The following NEDD4L variants were observed in gnomAD, a reference collection of about 807,000 sequenced individuals.
NEDD4L encodes the protein NEDD4 like E3 ubiquitin protein ligase, also known as E3 ubiquitin-protein ligase NEDD4-like.
NEDD4L carries 54 observed loss-of-function variants against 148.9 expected under a neutral mutation model. The observed-to-expected ratio is 0.36, with a 90% confidence interval of 0.29 to 0.45. The LOEUF (loss-of-function observed/expected upper bound fraction) is 0.45. Among genes scored for constraint, NEDD4L ranks in the 20% least tolerant of loss-of-function variants. The pLI is 1.00. For synonymous variants in NEDD4L, 433 were observed against 440.7 expected (o/e 0.98, Z 0.22); for missense variants, 856 against 1,233.8 (o/e 0.69, Z 4.59).
At chr18:58,150,522 G>A (rs535154221) in intron 1 of NEDD4L, among the ~76,000 whole-genome samples, 5 of 152,296 alleles carry the variant, frequency 3.3e-5, no homozygotes, top group Admixed American at 2.0e-4. Context: ...CACTGCACCC[G>A]GCCGTTTTTT....
chr18:58,114,873 A>G (rs1310725330), intron 1 of NEDD4L, among the ~76,000 whole-genome samples: 1 of 152,204 alleles, frequency 6.6e-6, no homozygotes, highest in East Asian at 1.9e-4. Flanking sequence ...CCACATGGTC[A>G]CATCTCCTCC....
intron 1 of NEDD4L, among the ~76,000 whole-genome samples, chr18:58,113,943 T>G (rs1027308154): frequency 2.6e-5 from 4 of 152,124 alleles, no homozygotes; most frequent in African/African-American, 9.7e-5. Context: ...GCTAGGGACA[T>G]GGGGCCTCAG....
At chr18:58,365,286 G>A (rs1272095664) in intron 20 of NEDD4L, among the ~76,000 whole-genome samples, 2 of 152,164 alleles carry the variant, frequency 1.3e-5, no homozygotes. Flanking sequence ...CATGTCCCCT[G>A]GTAATGATGA....
chr18:58,323,644 T>C (rs2059043294), intron 8 of NEDD4L, among the ~76,000 whole-genome samples: 4 of 152,230 alleles, frequency 2.6e-5, no homozygotes, highest in Admixed American at 2.6e-4. Flanking sequence ...TGCTATGGAC[T>C]TGCAACTCTT....
chr18:58,189,606 T>C (rs2039874439), intron 2 of NEDD4L, among the ~76,000 whole-genome samples: 4 of 152,144 alleles, frequency 2.6e-5, no homozygotes, highest in Admixed American at 2.6e-4. Context: ...AATTCAGGTG[T>C]GTTGAAGTGG....
intron 2 of NEDD4L, among the ~76,000 whole-genome samples, chr18:58,203,436 A>G (rs73450452): frequency 0.031 from 4,693 of 152,256 alleles, 176 homozygotes; most frequent in East Asian, 0.14. Flanking sequence ...AATCTCTTAC[A>G]TTTCAGTTTT....
intron 24 of NEDD4L, among the ~76,000 whole-genome samples, chr18:58,381,923 G>T (rs1170968329): frequency 6.6e-6 from 1 of 152,150 alleles, no homozygotes; most frequent in East Asian, 1.9e-4. Context: ...AAAATGGGAT[G>T]CACTGGGAAG....
intron 2 of NEDD4L, among the ~76,000 whole-genome samples, chr18:58,214,992 A>G (rs894832462): frequency 1.3e-5 from 2 of 151,760 alleles, no homozygotes; most frequent in Non-Finnish European, 2.9e-5. Context: ...TTGTATTTTT[A>G]GTAGAGACAG....
chr18:58,338,370 C>T (rs1171829491), intron 13 of NEDD4L, among the ~76,000 whole-genome samples: 6 of 152,190 alleles, frequency 3.9e-5, no homozygotes, highest in Non-Finnish European at 7.3e-5. Context: ...CCTCAACTAG[C>T]CGTGCAGGGT....
chr18:58,323,338 C>T lies in NEDD4L; in HGVS notation c.513+4C>T, dbSNP rs775697269. Reference sequence around the variant, plus strand: ...TGACCAGAGGGATGACATGGAGGTACGTGGAGGGCGTCAGGCCTCTCTCCT... The same window carrying T: ...TGACCAGAGGGATGACATGGAGGTATGTGGAGGGCGTCAGGCCTCTCTCCT... On this transcript the variant is annotated splice_donor_region_variant and intron_variant, in intron 8 of 30. Coordinates refer to ENST00000400345, the MANE Select transcript of NEDD4L (RefSeq NM_001144967.3). The T allele has an allele frequency of 4.0e-6, 6 of 1,499,672 alleles. No homozygotes were observed. The highest frequency in any genetic ancestry group is 1.8e-5 in the Admixed American group (1 of 55,430). 92.9% of individuals were successfully genotyped at this position (1,499,672 alleles called of 1,614,324 possible). A position where few individuals can be genotyped will look rare whatever the true frequency, so the allele number is the denominator to read the frequency against.
At chr18:58,068,206 T>C (rs1336725681) in intron 1 of NEDD4L, among the ~76,000 whole-genome samples, 2 of 96,772 alleles carry the variant, frequency 2.1e-5, no homozygotes, top group Non-Finnish European at 3.5e-5. Context: ...TTTTTTTTTT[T>C]TGTTTTGTTT....
chr18:58,121,561 C>T (rs2029901247), intron 1 of NEDD4L, among the ~76,000 whole-genome samples: 1 of 152,096 alleles, frequency 6.6e-6, no homozygotes, highest in Middle Eastern at 3.2e-3. Flanking sequence ...AGTTCCACTA[C>T]AGCTGGCTAA....
rs74183230 is a variant in NEDD4L at position 58,056,894 on chromosome 18, C to CTTTTTTTT, written c.48+12195_48+12202dup. ...CCATGCCCAGCCAGAGCTATGCCCT[C>CTTTTTTTT]TTTTTTTTTTTTTTTTGTTTGTTTG... On this transcript the variant is annotated intron_variant, in intron 1 of 30. Transcript: ENST00000400345. 3.3e-3 allele frequency among the ~76,000 whole-genome samples: 396 copies of CTTTTTTTT among 121,426 alleles called. 2 individuals carry two copies. Among genetic ancestry groups the CTTTTTTTT allele is most frequent in the East Asian group, 0.021 (73 of 3,504 alleles). The allele number at this position is 121,426 out of a possible 152,430, so 79.7% of individuals were successfully genotyped here.
chr18:58,366,874 C>G lies in NEDD4L; in HGVS notation c.2063+646C>G, dbSNP rs952158602. On this transcript the variant is annotated intron_variant, in intron 21 of 30. Coordinates refer to ENST00000400345, the MANE Select transcript of NEDD4L (RefSeq NM_001144967.3). This position sits in a 1 kb window ranked among gnomAD's most constrained non-coding sequence, Gnocchi z 4.2. Reference sequence around the variant, plus strand: ...TTGCTGAAGGGCATTTGTCATCACTCCAGCCCTGGGCTCTAAGGGGACGTG... The same window carrying G: ...TTGCTGAAGGGCATTTGTCATCACTGCAGCCCTGGGCTCTAAGGGGACGTG... Among the ~76,000 whole-genome samples, 2 of 152,212 alleles carry G rather than the reference C, an allele frequency of 1.3e-5. No individual in the cohort carries two copies. Among genetic ancestry groups the G allele is most frequent in the East Asian group, 1.9e-4 (1 of 5,176 alleles).
rs1942587978 is a variant in NEDD4L at position 58,230,505 on chromosome 18, T to A, written c.123-14922T>A. ...CTATGTGAAATGACCCTGTGTTTCC[T>A]ACATTATAGAAAAGAGGAAAATGAA... On this transcript the variant is annotated intron_variant, in intron 2 of 30. Coordinates refer to ENST00000400345, the MANE Select transcript of NEDD4L (RefSeq NM_001144967.3). Among the ~76,000 whole-genome samples the A allele has an allele frequency of 2.0e-5, 3 of 151,996 alleles. No homozygotes were observed. The South Asian group carries it at 6.2e-4, about 32-fold the overall frequency.
At chr18:58,064,261 A>G (rs1419090052) in intron 1 of NEDD4L, among the ~76,000 whole-genome samples, 1 of 152,112 alleles carries the variant, frequency 6.6e-6, no homozygotes, top group Non-Finnish European at 1.5e-5. Context: ...ACCGCGCCTG[A>G]CCCAATGTTT....
intron 2 of NEDD4L, among the ~76,000 whole-genome samples, chr18:58,186,846 C>T (rs139490157): frequency 2.0e-5 from 3 of 152,196 alleles, no homozygotes; most frequent in African/African-American, 7.2e-5. Flanking sequence ...GGTCTGCAGC[C>T]CTGGCATTTC....
rs546531935 is a variant in NEDD4L, at chr18:58,214,194, C to A, written c.123-31233C>A. 5.9e-5 allele frequency among the ~76,000 whole-genome samples: 9 copies of A among 152,266 alleles called. No homozygotes were observed. The South Asian group carries it at 1.0e-3, about 18-fold the overall frequency. ...CTGCCCCAGGGTTAGTCACTCTAGC[C>A]CCCTTGGATCTCTTGACTCCATCTC... On this transcript the variant is annotated intron_variant, in intron 2 of 30. Coordinates refer to ENST00000400345, the MANE Select transcript of NEDD4L (RefSeq NM_001144967.3).
In NEDD4L at chr18:58,186,053, G is replaced by GCACAGAGAAGGATACATATGCACACGCA. The variant is rs1302776351; in HGVS notation, c.122+20208_122+20235dup. Among the ~76,000 whole-genome samples the GCACAGAGAAGGATACATATGCACACGCA allele has an allele frequency of 2.6e-5, 4 of 151,160 alleles. No homozygotes were observed. The South Asian group carries it at 6.3e-4, about 24-fold the overall frequency. ...CAGAGAAGGATACGTATGCACACGC[G>GCACAGAGAAGGATACATATGCACACGCA]CACAGAGAAGGATACATATGCACAC... On this transcript the variant is annotated intron_variant, in intron 2 of 30. Coordinates refer to ENST00000400345, the MANE Select transcript of NEDD4L (RefSeq NM_001144967.3).
Sources: allele counts gnomAD v4.1 joint callset (sites outside exome capture counted in the v4.1 genomes callset), GRCh38; gene constraint gnomAD v4.1.1; non-coding constraint Gnocchi (gnomAD v3.1); transcripts MANE v1.5; gene names NCBI Gene and HGNC (gene_info 2026-07-23, HGNC 2026-07-21).